Variants in MORC2 observed in about 807,000 individuals in gnomAD.
MORC2 encodes the protein ATPase MORC2.
Under a neutral mutation model 136.0 loss-of-function variants are expected in MORC2, and 30 were observed. That is an observed-to-expected ratio of 0.22 (90% CI 0.17 to 0.30). The LOEUF (loss-of-function observed/expected upper bound fraction) is 0.30. Among genes scored for constraint, MORC2 ranks in the 10% least tolerant of loss-of-function variants. The probability of loss-of-function intolerance (pLI) is 1.00; values close to 1 mark genes in which losing one functional copy is unlikely to be tolerated. For synonymous variants in MORC2, 439 were observed against 487.0 expected (o/e 0.90, Z 1.30); for missense variants, 922 against 1,333.1 (o/e 0.69, Z 4.80).
intron 1 of MORC2, among the ~76,000 whole-genome samples, chr22:30,965,300 CA>C (rs1210785201): frequency 6.6e-6 from 1 of 152,202 alleles, no homozygotes; most frequent in Non-Finnish European, 1.5e-5. Context: ...AGAAGAGAGA[CA>C]AATCTTCCCT....
chr22:30,934,630 A>G lies in MORC2; in HGVS notation c.2193+151T>C. On this transcript the variant is annotated intron_variant, in intron 19 of 25. Transcript: ENST00000397641. This position sits in a 1 kb window ranked among gnomAD's most constrained non-coding sequence, Gnocchi z 4.4. ...CTGTCTGGCCCCAACAAGTCCGTTC[A>G]GCTATCAAGGCTTCCCGTCCTCAGG... The G allele has an allele frequency of 1.8e-6, 2 of 1,142,834 alleles. No homozygotes were observed. The highest frequency in any genetic ancestry group is 2.5e-6 in the Non-Finnish European group (2 of 806,110). 70.8% of individuals were successfully genotyped at this position (1,142,834 alleles called of 1,614,324 possible). A position where few individuals can be genotyped will look rare whatever the true frequency, so the allele number is the denominator to read the frequency against.
intron 1 of MORC2, chr22:30,967,103 CT>C: frequency 1.0e-5 from 10 of 985,268 alleles, no homozygotes; most frequent in Non-Finnish European, 1.2e-5. Flanking sequence ...TATTAAAACA[CT>C]AAAGTTTTGA....
Position 30,925,309 on chromosome 22 carries a change from G to T in MORC2, c.*1494C>A. The T allele has an allele frequency of 3.7e-6, 1 of 268,766 alleles. No homozygotes were observed. Among genetic ancestry groups the T allele is most frequent in the South Asian group, 3.8e-5 (1 of 26,064 alleles). 16.6% of individuals were successfully genotyped at this position (268,766 alleles called of 1,614,324 possible). A position where few individuals can be genotyped will look rare whatever the true frequency, so the allele number is the denominator to read the frequency against. Reference sequence around the variant, plus strand: ...TGAGATGAAGAGAGAGAGCAGGATGGCAGAGGAATCACCAGCTCAAGAAAC... The same window carrying T: ...TGAGATGAAGAGAGAGAGCAGGATGTCAGAGGAATCACCAGCTCAAGAAAC... On this transcript the variant is annotated 3_prime_UTR_variant, in exon 26 of 26. Transcript: ENST00000397641.
At chr22:30,967,123 G>C (rs2041140046) in intron 1 of MORC2, 6 of 985,350 alleles carry the variant, frequency 6.1e-6, no homozygotes, top group Middle Eastern at 5.2e-4. Context: ...GACGCTACTG[G>C]ACAGCCTCCA....
chr22:30,953,512 A>G (rs896298859), intron 3 of MORC2, among the ~76,000 whole-genome samples: 2 of 152,258 alleles, frequency 1.3e-5, no homozygotes, highest in African/African-American at 4.8e-5. Flanking sequence ...GGAGCTATAC[A>G]TCCAAAAGTC....
chr22:30,950,339 A>AATC, intron 4 of MORC2, 38 bp downstream of exon 4: 2 of 539,982 alleles, frequency 3.7e-6, no homozygotes, highest in South Asian at 1.7e-5. Context: ...GTTACATCGC[A>AATC]CCCCCCCACC....
chr22:30,962,737 T>C (rs1204772165), intron 1 of MORC2, among the ~76,000 whole-genome samples: 9 of 152,206 alleles, frequency 5.9e-5, no homozygotes, highest in Non-Finnish European at 1.2e-4. Context: ...GTACATATCA[T>C]AAAAGAAGCC....
At position 30,937,632 on chromosome 22, in the gene MORC2, C is replaced by T. The variant is rs1263634870; in HGVS notation, c.1449G>A (p.Leu483=). The stretch of plus-strand genomic sequence containing the variant: ...CCATAGCTCTCCGGCGTTTGTAACG[C>T]AGCTCACTGGATGGGGGCTGGTTCC... The part of the protein sequence containing the change: ...ANWNQPPSSE[L]RYKRRRAMEI... Residue 483 remains leucine (L), a synonymous_variant, in exon 15 of 26, where the codon CTG becomes CTA. Transcript: ENST00000397641. The surrounding 1 kb of genome is among the most constrained non-coding windows in gnomAD (Gnocchi z 4.7). 6.2e-7 allele frequency: 1 copy of T among 1,613,810 alleles called. No homozygotes were observed. Among genetic ancestry groups the T allele is most frequent in the South Asian group, 1.1e-5 (1 of 91,058 alleles).
In MORC2 at chr22:30,932,803, C is replaced by G. The variant is rs1602478133; in HGVS notation, c.2523-34G>C. Reference sequence around the variant, plus strand: ...GACACACAGCTTATGTCATGTCTGACCCGGGCTCCCAGGATGGGCTGCTGG... The same window carrying G: ...GACACACAGCTTATGTCATGTCTGAGCCGGGCTCCCAGGATGGGCTGCTGG... On this transcript the variant is annotated intron_variant, in intron 22 of 25. Transcript: ENST00000397641. This position sits in a 1 kb window ranked among gnomAD's most constrained non-coding sequence, Gnocchi z 4.4. The G allele has an allele frequency of 6.2e-7, 1 of 1,613,240 alleles. No homozygotes were observed. The highest frequency in any genetic ancestry group is 2.2e-5 in the East Asian group (1 of 44,870).
At chr22:30,964,291 A>G (rs2041092560) in intron 1 of MORC2, among the ~76,000 whole-genome samples, 1 of 152,128 alleles carries the variant, frequency 6.6e-6, no homozygotes, top group Non-Finnish European at 1.5e-5. Flanking sequence ...TGGGAGGTGG[A>G]GGTTGCAGTG....
At chr22:30,965,505 A>G (rs1249296073) in intron 1 of MORC2, among the ~76,000 whole-genome samples, 1 of 152,252 alleles carries the variant, frequency 6.6e-6, no homozygotes, top group Admixed American at 6.5e-5. Context: ...TTTAGGGTTT[A>G]TACTGTCTTC....
In MORC2 at chr22:30,943,756, A is replaced by G. The variant is rs1280531193; in HGVS notation, c.427-1485T>C. Among the ~76,000 whole-genome samples, 3 of 152,126 alleles carry G rather than the reference A, an allele frequency of 2.0e-5. No individual in the cohort carries two copies. The East Asian group carries it at 5.8e-4, about 29-fold the overall frequency. On this transcript the variant is annotated intron_variant, in intron 6 of 25. Coordinates refer to ENST00000397641, the MANE Select transcript of MORC2 (RefSeq NM_001303256.3). ...GTTTTTTTATTTTATTTTTTTTGAGACGGAGTCTTGCTCTTGTTGCCCAGG... is the reference window on the plus strand; with the variant it reads ...GTTTTTTTATTTTATTTTTTTTGAGGCGGAGTCTTGCTCTTGTTGCCCAGG...
rs200086094 is a variant in MORC2, at chr22:30,928,010, C to T, written c.3030+9G>A. On this transcript the variant is annotated intron_variant, in intron 25 of 25. Transcript: ENST00000397641. ...GGTCCAGCTGCAACAGGAAGGCTGCCGGGCTCACCTCCTGCACCTTTTGCA... is the reference window on the plus strand; with the variant it reads ...GGTCCAGCTGCAACAGGAAGGCTGCTGGGCTCACCTCCTGCACCTTTTGCA... 6.8e-6 allele frequency: 11 copies of T among 1,612,526 alleles called. 1 individual carries two copies. Among genetic ancestry groups the T allele is most frequent in the East Asian group, 2.2e-5 (1 of 44,864 alleles).
intron 3 of MORC2, among the ~76,000 whole-genome samples, chr22:30,956,168 AG>A (rs966448841): frequency 2.6e-4 from 39 of 152,330 alleles, no homozygotes; most frequent in Non-Finnish European, 5.3e-4. Context: ...CACTCACTCT[AG>A]GAAAAGGAGA....
chr22:30,952,448 C>T (rs1009005765), intron 3 of MORC2, among the ~76,000 whole-genome samples: 1 of 152,238 alleles, frequency 6.6e-6, no homozygotes, highest in African/African-American at 2.4e-5. Flanking sequence ...AGCACACAAT[C>T]ATCACTTAAC....
rs151033664 is a variant in MORC2, at chr22:30,934,892, T to C, written c.2082A>G (p.Gln694=). The change falls in exon 19 of 26, where the codon CAA becomes CAG. Residue 694 remains glutamine (Q), a synonymous_variant. Transcript: ENST00000397641. The surrounding 1 kb of genome is among the most constrained non-coding windows in gnomAD (Gnocchi z 4.4). The part of the protein sequence containing the change: ...TASRPAPLVQ[Q]LSPSLLPNSK... ...AGTTGGGCAGTAAAGATGGTGACAGTTGCTGCACCAGAGGGGCAGGTCGGG... is the reference window on the plus strand; with the variant it reads ...AGTTGGGCAGTAAAGATGGTGACAGCTGCTGCACCAGAGGGGCAGGTCGGG... 5.6e-6 allele frequency: 9 copies of C among 1,614,054 alleles called. No individual in the cohort carries two copies. Among genetic ancestry groups the C allele is most frequent in the East Asian group, 2.2e-5 (1 of 44,866 alleles).
chr22:30,948,836 G>GT (rs2040852406), intron 5 of MORC2, among the ~76,000 whole-genome samples: 1 of 152,162 alleles, frequency 6.6e-6, no homozygotes, highest in African/African-American at 2.4e-5. Context: ...CTGGCACATG[G>GT]TAAGTGTCTG....
At chr22:30,946,276 G>A (rs2040813890) in intron 6 of MORC2, 65 bp downstream of exon 6, 6 of 1,364,666 alleles carry the variant, frequency 4.4e-6, no homozygotes, top group South Asian at 2.7e-5. Flanking sequence ...AATAACCTAC[G>A]AAAACCGCCT....
chr22:30,946,485 G>A, intron 5 of MORC2, 36 bp from the exon 6 acceptor site: 1 of 1,540,448 alleles, frequency 6.5e-7, no homozygotes, highest in Non-Finnish European at 8.9e-7. Flanking sequence ...TATTCTCCCA[G>A]GAGTCAAAAG....
Sources: gnomAD v4.1 joint callset for allele counts (sites outside exome capture counted in the v4.1 genomes callset) on GRCh38, gnomAD v4.1.1 for gene constraint, Gnocchi (gnomAD v3.1) non-coding constraint, MANE v1.5 for transcripts, NCBI Gene and HGNC (gene_info 2026-07-23, HGNC 2026-07-21) for gene names.